The following TMEM220 variants were observed in gnomAD, a reference collection of about 807,000 sequenced individuals.
The protein encoded by TMEM220 is transmembrane protein 220.
A neutral mutation model predicts 21.7 loss-of-function variants in TMEM220; 21 were observed. The observed-to-expected ratio is 0.97, with a 90% CI of 0.69 to 1.39. The LOEUF is 1.39. TMEM220 is among the 40% of genes most tolerant of loss of function. The pLI is 0.00. For missense variants in TMEM220, 191 were observed against 201.9 expected, an observed-to-expected ratio of 0.95 and a Z score of 0.33; for synonymous variants, 80 against 73.6, an observed-to-expected ratio of 1.09 and a Z score of -0.45.
At chr17:10,724,985 TC>T (rs775708553) in intron 4 of TMEM220, 25 bp downstream of exon 4, 14 of 1,613,956 alleles carry the variant, frequency 8.7e-6, no homozygotes, top group South Asian at 1.1e-5. Flanking sequence ...GTTCTATCCC[TC>T]CACAGGGTAA....
At chr17:10,726,423 C>A (rs1047674193) in intron 2 of TMEM220, 159 bp from the exon 3 acceptor site, 11 of 653,104 alleles carry the variant, frequency 1.7e-5, no homozygotes, top group Admixed American at 9.2e-5. Flanking sequence ...GGTAGATTCT[C>A]CTTTTGTGGC....
rs1056270320 is a variant in TMEM220, at chr17:10,725,078, C to G, written c.220G>C (p.Ala74Pro). 7 of 1,614,048 alleles carry G rather than the reference C, an allele frequency of 4.3e-6. No homozygotes were observed. The South Asian group carries it at 7.7e-5, about 18-fold the overall frequency. Residue 74 changes from alanine (A) to proline (P), a missense_variant, in exon 4 of 6, where the codon GCT becomes CCT. Transcript: ENST00000341871. ...AAGAGGTAGGACGCCAAGCCAACAG[C>G]CCACACCGTACAAAAGAGTATGTGT... ...AIHILFCTVW[A>P]VGLASYLLHR...
intron 3 of TMEM220, among the ~76,000 whole-genome samples, chr17:10,725,917 G>C (rs1597532603): frequency 1.3e-5 from 2 of 152,150 alleles, no homozygotes; most frequent in African/African-American, 4.8e-5. Context: ...TTTATTCTAA[G>C]GCCCCTGAGA....
chr17:10,715,156 C>T lies in TMEM220; in HGVS notation c.*297G>A. On this transcript the variant is annotated 3_prime_UTR_variant, in exon 6 of 6. Transcript: ENST00000341871. ...ATCCACCAGGAGGTTTATATATTTG[C>T]CCAAATTACATAGTTACAAAGTTAA... is the stretch of plus-strand genomic sequence containing the variant. 4.5e-6 allele frequency: 1 copy of T among 223,812 alleles called. No homozygotes were observed. Among genetic ancestry groups the T allele is most frequent in the Non-Finnish European group, 8.7e-6 (1 of 115,290 alleles). 13.9% of individuals were successfully genotyped at this position (223,812 alleles called of 1,614,324 possible).
At chr17:10,724,398 G>A (rs2075024702) in intron 4 of TMEM220, 1 of 152,590 alleles carries the variant, frequency 6.6e-6, no homozygotes, top group Non-Finnish European at 1.5e-5. Context: ...TGACCAACGT[G>A]ATAAAACTCT....
chr17:10,718,050 G>C (rs1045124375), intron 5 of TMEM220, among the ~76,000 whole-genome samples: 3 of 152,112 alleles, frequency 2.0e-5, no homozygotes, highest in Non-Finnish European at 2.9e-5. Flanking sequence ...TTGAACTCCT[G>C]ACCTCAGGTG....
At chr17:10,718,071 C>T (rs2151472293) in intron 5 of TMEM220, among the ~76,000 whole-genome samples, 1 of 152,332 alleles carries the variant, frequency 6.6e-6, no homozygotes, top group East Asian at 1.9e-4. Flanking sequence ...ATCCGCCCAC[C>T]TCAGCCTCCC....
rs1443923663 is a variant in TMEM220, at chr17:10,713,977, A to G, written c.*1476T>C. 1 of 152,232 alleles carries G rather than the reference A, an allele frequency of 6.6e-6. No individual in the cohort carries two copies. The highest frequency in any genetic ancestry group is 1.9e-4 in the East Asian group (1 of 5,198). The allele number at this position is 152,232 out of a possible 1,614,324, so 9.4% of individuals were successfully genotyped here. A position where few individuals can be genotyped will look rare whatever the true frequency, so the allele number is the denominator to read the frequency against. ...CCTAGATCAGAAAAAACAGTATCTG[A>G]CCACAGAGTTTGATGCTTGTGTATG... On this transcript the variant is annotated 3_prime_UTR_variant, in exon 6 of 6. Coordinates refer to ENST00000341871, the MANE Select transcript of TMEM220 (RefSeq NM_001004313.3).
At position 10,728,916 on chromosome 17, in the gene TMEM220, T is replaced by C. The variant is rs569582536; in HGVS notation, c.102+115A>G. 1.5e-5 allele frequency: 18 copies of C among 1,174,398 alleles called. No homozygotes were observed. The African/African-American group carries it at 1.8e-4, about 12-fold the overall frequency. The allele number at this position is 1,174,398 out of a possible 1,614,324, so 72.7% of individuals were successfully genotyped here. On this transcript the variant is annotated intron_variant, in intron 2 of 5. Transcript: ENST00000341871. Reference sequence around the variant, plus strand: ...AAAGCGCTTCCCAAGGGTTTGATTTTTAAGTTTCTCAGAAAATTAAGCAGG... The same window carrying C: ...AAAGCGCTTCCCAAGGGTTTGATTTCTAAGTTTCTCAGAAAATTAAGCAGG...
At chr17:10,711,193 C>A, downstream of TMEM220, 2 of 1,437,010 alleles carry the variant, frequency 1.4e-6, no homozygotes, top group Non-Finnish European at 1.9e-6. Flanking sequence ...TTTGTCCCTC[C>A]TAAACAAAAA....
intron 5 of TMEM220, 94 bp downstream of exon 5, chr17:10,723,164 AGAGACAGGGTTT>A: frequency 1.1e-6 from 1 of 949,406 alleles, no homozygotes; most frequent in Non-Finnish European, 1.7e-6. Flanking sequence ...GTATTTTAGT[AGAGACAGGGTTT>A]GACCATATTG....
Position 10,729,888 on chromosome 17 carries a change from C to A in TMEM220, c.-37G>T. ...CACGGCGCGGGGCGGTGAGTCCTGC[C>A]ACGTGCGGGGCGGTGAGTCCTGCCA... On this transcript the variant is annotated 5_prime_UTR_variant, in exon 1 of 6. Coordinates refer to ENST00000341871, the MANE Select transcript of TMEM220 (RefSeq NM_001004313.3). 7.9e-7 allele frequency: 1 copy of A among 1,267,652 alleles called. No individual in the cohort carries two copies. Among genetic ancestry groups the A allele is most frequent in the South Asian group, 2.5e-5 (1 of 40,102 alleles). 78.5% of individuals were successfully genotyped at this position (1,267,652 alleles called of 1,614,324 possible). A position where few individuals can be genotyped will look rare whatever the true frequency, so the allele number is the denominator to read the frequency against.
intron 2 of TMEM220, among the ~76,000 whole-genome samples, chr17:10,728,410 G>A (rs2075076909): frequency 6.7e-6 from 1 of 149,472 alleles, no homozygotes; most frequent in African/African-American, 2.5e-5. Flanking sequence ...CTGGGTTCCA[G>A]CGAGTCTCCT....
chr17:10,723,125 C>T (rs549689362), intron 5 of TMEM220, 145 bp downstream of exon 5: 36 of 657,516 alleles, frequency 5.5e-5, no homozygotes, highest in South Asian at 1.7e-4. Flanking sequence ...GGACTACAGG[C>T]GCGTGCCACC....
At chr17:10,716,047 C>T (rs1263602035) in intron 5 of TMEM220, 1 of 620,830 alleles carries the variant, frequency 1.6e-6, no homozygotes, top group Admixed American at 2.4e-5. Flanking sequence ...ACTCCCACCC[C>T]CCCATGTCCA....
At chr17:10,724,684 A>G (rs57764544) in intron 4 of TMEM220, among the ~76,000 whole-genome samples, 1 of 152,238 alleles carries the variant, frequency 6.6e-6, no homozygotes, top group South Asian at 2.1e-4. Flanking sequence ...AGTTATCACC[A>G]TATTAGATCG....
chr17:10,728,282 T>C (rs555416806), intron 2 of TMEM220, among the ~76,000 whole-genome samples: 4 of 151,366 alleles, frequency 2.6e-5, no homozygotes, highest in Non-Finnish European at 5.9e-5. Context: ...TTAATACTTT[T>C]CTTTGCTTTT....
chr17:10,724,994 T>C lies in TMEM220; in HGVS notation c.287+17A>G, dbSNP rs78338860. The C allele has an allele frequency of 7.0e-4, 1,135 of 1,614,042 alleles. 15 individuals are homozygous for C. The East Asian group carries it at 0.019, about 27-fold the overall frequency. ...CCCACAGTTCTATCCCTCCACAGGG[T>C]AACCGTCACCGCTCACCTGCCTTCT... On this transcript the variant is annotated intron_variant, in intron 4 of 5. Transcript: ENST00000341871.
Position 10,715,328 on chromosome 17 carries a change from A to G in TMEM220, c.*125T>C. Reference sequence around the variant, plus strand: ...ACATCGAATTATATGCACCCTTAAAAAGTTATTTGGAGTTTTAAAACTATT... The same window carrying G: ...ACATCGAATTATATGCACCCTTAAAGAGTTATTTGGAGTTTTAAAACTATT... On this transcript the variant is annotated 3_prime_UTR_variant, in exon 6 of 6. Coordinates refer to ENST00000341871, the MANE Select transcript of TMEM220 (RefSeq NM_001004313.3). 1.2e-6 allele frequency: 1 copy of G among 824,642 alleles called. No individual in the cohort carries two copies. Among genetic ancestry groups the G allele is most frequent in the Non-Finnish European group, 1.8e-6 (1 of 556,544 alleles). 51.1% of individuals were successfully genotyped at this position (824,642 alleles called of 1,614,324 possible). A position where few individuals can be genotyped will look rare whatever the true frequency, so the allele number is the denominator to read the frequency against.
Sources: gnomAD v4.1 joint callset for allele counts (sites outside exome capture counted in the v4.1 genomes callset) on GRCh38, gnomAD v4.1.1 for gene constraint, MANE v1.5 for transcripts, NCBI Gene and HGNC (gene_info 2026-07-23, HGNC 2026-07-21) for gene names.